The following MIS18A variants were observed in gnomAD, a reference collection of about 807,000 sequenced individuals.
MIS18A encodes MIS18 kinetochore protein A.
In MIS18A, 14 loss-of-function variants were observed where a neutral mutation model predicts 25.0. That is an observed-to-expected ratio of 0.56 (90% confidence interval 0.37 to 0.88). The LOEUF (loss-of-function observed/expected upper bound fraction) is 0.88, where lower values mean the gene tolerates loss of function less well. Among genes scored for constraint, MIS18A ranks in the 40% least tolerant of loss-of-function variants. The pLI is 0.00. For missense variants in MIS18A, 292 were observed against 290.8 expected (o/e 1.00, Z -0.03); for synonymous variants, 134 against 118.6 (o/e 1.13, Z -0.84).
chr21:32,177,647 T>G, the MIS18A span, among the ~76,000 whole-genome samples: 1 of 152,046 alleles, frequency 6.6e-6, no homozygotes, highest in Non-Finnish European at 1.5e-5. Context: ...GAATGAACAA[T>G]TAGAAAATGA....
the MIS18A span, among the ~76,000 whole-genome samples, chr21:32,226,942 C>T: frequency 1.3e-5 from 2 of 151,990 alleles, no homozygotes; most frequent in African/African-American, 4.8e-5. Flanking sequence ...AAAATTTAGA[C>T]AATTCACAAA....
At chr21:32,180,597 G>C in the MIS18A span, among the ~76,000 whole-genome samples, 3 of 152,168 alleles carry the variant, frequency 2.0e-5, no homozygotes, top group African/African-American at 4.8e-5. Context: ...AGTGAAGTTG[G>C]TTGATCATAG....
At chr21:32,252,525 C>T in the MIS18A span, among the ~76,000 whole-genome samples, 3 of 152,152 alleles carry the variant, frequency 2.0e-5, no homozygotes, top group African/African-American at 7.2e-5. Context: ...GAGATATCTA[C>T]AGCAAAGCAA....
chr21:32,192,434 C>A, the MIS18A span, among the ~76,000 whole-genome samples: 9 of 152,124 alleles, frequency 5.9e-5, no homozygotes, highest in Admixed American at 5.2e-4. Context: ...ATCTGTCCCC[C>A]ACTCCCCACA....
chr21:32,277,618 A>C (rs1167555343), intron 1 of MIS18A, among the ~76,000 whole-genome samples: 2 of 152,010 alleles, frequency 1.3e-5, no homozygotes, highest in African/African-American at 4.8e-5. Flanking sequence ...ATGCCCGGCT[A>C]ATTTTTTATT....
chr21:32,266,614 A>G (rs931717952), downstream of MIS18A, among the ~76,000 whole-genome samples: 2 of 151,762 alleles, frequency 1.3e-5, no homozygotes, highest in African/African-American at 4.8e-5. Flanking sequence ...GAGCTGTAAC[A>G]CTCACCGCGA....
At chr21:32,182,108 T>C in the MIS18A span, among the ~76,000 whole-genome samples, 183 of 152,364 alleles carry the variant, frequency 1.2e-3, no homozygotes, top group African/African-American at 4.3e-3. Context: ...AATTATAGCC[T>C]ATGACCAGCT....
chr21:32,180,937 G>A, the MIS18A span, among the ~76,000 whole-genome samples: 1 of 110,580 alleles, frequency 9.0e-6, no homozygotes. Flanking sequence ...ACTGGGAGAA[G>A]GGAATGTGAT....
chr21:32,201,900 T>C, the MIS18A span, among the ~76,000 whole-genome samples: 1 of 152,162 alleles, frequency 6.6e-6, no homozygotes, highest in Non-Finnish European at 1.5e-5. Flanking sequence ...TTGCGTTACC[T>C]TTCTTAAATA....
chr21:32,260,843 C>G, the MIS18A span: 2 of 152,230 alleles, frequency 1.3e-5, no homozygotes, highest in East Asian at 1.9e-4. Context: ...GAAACCCCAT[C>G]CCTACTAAAA....
the MIS18A span, among the ~76,000 whole-genome samples, chr21:32,167,379 T>C: frequency 1.3e-5 from 2 of 152,194 alleles, no homozygotes; most frequent in Non-Finnish European, 2.9e-5. Flanking sequence ...GTAATTAATA[T>C]GTTGAGAAAC....
the MIS18A span, among the ~76,000 whole-genome samples, chr21:32,237,286 G>GAA: frequency 6.6e-6 from 1 of 152,240 alleles, no homozygotes; most frequent in Non-Finnish European, 1.5e-5. Flanking sequence ...GCATGAGAGA[G>GAA]AAACAAACCT....
At chr21:32,156,723 G>C in the MIS18A span, among the ~76,000 whole-genome samples, 3 of 152,126 alleles carry the variant, frequency 2.0e-5, no homozygotes, top group Non-Finnish European at 4.4e-5. Flanking sequence ...GTTTCCAGCG[G>C]GGGGTTGCAT....
At chr21:32,232,468 T>C in the MIS18A span, among the ~76,000 whole-genome samples, 1 of 151,506 alleles carries the variant, frequency 6.6e-6, no homozygotes, top group Non-Finnish European at 1.5e-5. Context: ...TCCATCATTT[T>C]TAAGGCTGAA....
the MIS18A span, among the ~76,000 whole-genome samples, chr21:32,251,919 A>G: frequency 1.1e-3 from 167 of 152,274 alleles, no homozygotes; most frequent in African/African-American, 3.8e-3. Context: ...GTAGCAACTA[A>G]AAGTCCATCT....
At chr21:32,263,639 TA>T (rs959688556), downstream of MIS18A, among the ~76,000 whole-genome samples, 4 of 150,798 alleles carry the variant, frequency 2.7e-5, no homozygotes, top group Admixed American at 6.6e-5. Flanking sequence ...TGGCTAACTT[TA>T]AAAAAAAATG....
At chr21:32,256,884 T>C in the MIS18A span, among the ~76,000 whole-genome samples, 6 of 152,252 alleles carry the variant, frequency 3.9e-5, no homozygotes, top group Non-Finnish European at 7.4e-5. Context: ...GAAAAATGCA[T>C]GTGAATAAGA....
chr21:32,214,050 C>T, the MIS18A span, among the ~76,000 whole-genome samples: 1 of 152,168 alleles, frequency 6.6e-6, no homozygotes, highest in African/African-American at 2.4e-5. Context: ...TTTCCCCTGT[C>T]CCCTAGGAAA....
chr21:32,179,916 C>A, the MIS18A span, among the ~76,000 whole-genome samples: 6 of 152,210 alleles, frequency 3.9e-5, no homozygotes, highest in African/African-American at 1.4e-4. Context: ...AAATCTACAC[C>A]TCCTAATTTC....
Sources: gnomAD v4.1 joint callset for allele counts (sites outside exome capture counted in the v4.1 genomes callset) on GRCh38, gnomAD v4.1.1 for gene constraint, MANE v1.5 for transcripts, NCBI Gene and HGNC (gene_info 2026-07-23, HGNC 2026-07-21) for gene names.